The following DST variants were observed in gnomAD, a reference collection of about 807,000 sequenced individuals.
The protein encoded by DST is bullous pemphigoid antigen.
Under a neutral mutation model 875.2 loss-of-function variants are expected in DST, and 253 were observed. The ratio of observed to expected loss-of-function variants is 0.29; its 90% CI spans 0.26 to 0.32. The LOEUF (loss-of-function observed/expected upper bound fraction) is 0.32, where lower values mean the gene tolerates loss of function less well. Among genes scored for constraint, DST ranks in the 10% least tolerant of loss-of-function variants. The pLI is 1.00. For missense variants in DST, 8,287 were observed against 9,111.6 expected (o/e 0.91, Z 3.68); for synonymous variants, 3,124 against 3,197.1 (o/e 0.98, Z 0.77).
At chr6:56,917,829 G>A (rs1802014675) in intron 2 of DST, among the ~76,000 whole-genome samples, 1 of 152,100 alleles carries the variant, frequency 6.6e-6, no homozygotes, top group African/African-American at 2.4e-5. Flanking sequence ...CTCTCAATAT[G>A]CTTTGGGTTT....
chr6:56,797,818 CAAAAAAAAAA>C (rs34649685), intron 4 of DST, among the ~76,000 whole-genome samples: 1 of 60,824 alleles, frequency 1.6e-5, no homozygotes, highest in African/African-American at 5.9e-5. Context: ...AACTCCGTCT[CAAAAAAAAAA>C]AAAAAAAAAG....
At chr6:56,513,668 A>T (rs1346633232) in intron 72 of DST, among the ~76,000 whole-genome samples, 2 of 152,090 alleles carry the variant, frequency 1.3e-5, no homozygotes, top group Admixed American at 6.6e-5. Flanking sequence ...CTGGCCGAGG[A>T]GCCTTTTTTA....
chr6:56,549,400 C>T (rs1033527854), intron 61 of DST, among the ~76,000 whole-genome samples: 1 of 152,122 alleles, frequency 6.6e-6, no homozygotes, highest in Admixed American at 6.5e-5. Context: ...CAAATCATTC[C>T]ATTTAAAAAA....
intron 3 of DST, among the ~76,000 whole-genome samples, chr6:56,855,431 C>T (rs1031581443): frequency 1.3e-5 from 2 of 152,090 alleles, no homozygotes; most frequent in Non-Finnish European, 2.9e-5. Context: ...TAATTATTTA[C>T]CCAATTTTTG....
chr6:56,801,253 G>A (rs1478535361), intron 4 of DST, among the ~76,000 whole-genome samples: 2 of 151,908 alleles, frequency 1.3e-5, no homozygotes, highest in Non-Finnish European at 1.5e-5. Context: ...TTTAATTGTC[G>A]TATCTCCCCA....
At chr6:56,772,264 A>G (rs2099668048) in intron 4 of DST, among the ~76,000 whole-genome samples, 1 of 152,262 alleles carries the variant, frequency 6.6e-6, no homozygotes, top group South Asian at 2.1e-4. Flanking sequence ...TTTGCAATAT[A>G]ACATCTAAAT....
intron 4 of DST, among the ~76,000 whole-genome samples, chr6:56,809,556 C>T (rs1432853892): frequency 6.6e-6 from 1 of 152,154 alleles, no homozygotes; most frequent in Non-Finnish European, 1.5e-5. Flanking sequence ...TATACTATCT[C>T]TCATAGTTCT....
chr6:56,696,514 G>A (rs991866296), intron 9 of DST, among the ~76,000 whole-genome samples: 11 of 152,036 alleles, frequency 7.2e-5, no homozygotes, highest in African/African-American at 2.7e-4. Flanking sequence ...TCCTCCAAAG[G>A]CAGCTGAACC....
At chr6:56,870,994 T>C (rs982546175) in intron 3 of DST, among the ~76,000 whole-genome samples, 1 of 151,690 alleles carries the variant, frequency 6.6e-6, no homozygotes, top group Non-Finnish European at 1.5e-5. Context: ...ACAAAGAATA[T>C]GTATATATAA....
chr6:56,790,096 TCTC>T (rs2099715114), intron 4 of DST, among the ~76,000 whole-genome samples: 1 of 152,046 alleles, frequency 6.6e-6, no homozygotes. Flanking sequence ...AGGTCATACT[TCTC>T]CTTCTGTTAC....
intron 29 of DST, 109 bp downstream of exon 29, chr6:56,631,774 A>AGT (rs2098782849): frequency 4.1e-6 from 4 of 977,308 alleles, no homozygotes; most frequent in African/African-American, 1.6e-5. Flanking sequence ...ACCTCACACT[A>AGT]GACTGGCTAG....
intron 7 of DST, 29 bp from the exon 8 acceptor site, chr6:56,701,994 A>G: frequency 7.1e-7 from 1 of 1,413,662 alleles, no homozygotes; most frequent in Non-Finnish European, 1.0e-6. Context: ...AGGTATGAAA[A>G]AGAGTTTCTG....
intron 64 of DST, 115 bp from the exon 65 acceptor site, chr6:56,530,248 G>A: frequency 2.6e-6 from 2 of 759,118 alleles, no homozygotes; most frequent in South Asian, 4.4e-5. Flanking sequence ...AACTATCTAA[G>A]GTTACAATTT....
At chr6:56,564,748 C>T (rs1261870464) in intron 55 of DST, among the ~76,000 whole-genome samples, 2 of 152,262 alleles carry the variant, frequency 1.3e-5, no homozygotes, top group Admixed American at 6.5e-5. Context: ...TACATTCCAT[C>T]GATACCTAGT....
At chr6:56,642,215 T>G (rs953321782) in intron 16 of DST, 114 bp from the exon 17 acceptor site, 2 of 977,102 alleles carry the variant, frequency 2.0e-6, no homozygotes, top group African/African-American at 3.2e-5. Flanking sequence ...TTAGTTTTCC[T>G]TGTTGGTTCA....
chr6:56,901,981 A>G lies in DST; in HGVS notation c.217-1360T>C, dbSNP rs192359497. Reference sequence around the variant, plus strand: ...AAAGTGGTTAAAGTAGTAGACTCTCAGCGCTAGCAGATCTCAGAGAAGGAA... The same window carrying G: ...AAAGTGGTTAAAGTAGTAGACTCTCGGCGCTAGCAGATCTCAGAGAAGGAA... On this transcript the variant is annotated intron_variant, in intron 2 of 103. Coordinates refer to ENST00000680361, the MANE Select transcript of DST (RefSeq NM_001374736.1). Among the ~76,000 whole-genome samples the G allele has an allele frequency of 2.1e-3, 321 of 152,374 alleles. 9 individuals carry two copies. Among genetic ancestry groups the G allele is most frequent in the South Asian group, 2.7e-3 (13 of 4,828 alleles).
At chr6:56,517,164 G>A in intron 71 of DST, 34 bp downstream of exon 71, 2 of 1,480,870 alleles carry the variant, frequency 1.4e-6, no homozygotes, top group Non-Finnish European at 1.9e-6. Context: ...GTTTTTTCAA[G>A]AGTCCCACTA....
rs765717093 is a variant in DST, at chr6:56,482,170, T to G, written c.21411A>C (p.Glu7137Asp). Residue 7137 changes from glutamate to aspartate, a missense_variant, in exon 90 of 104, where the codon GAA (glutamate) becomes GAC (aspartate). By Grantham distance (45) the Glu-to-Asp change is conservative (BLOSUM62 2). Around this residue, in one of 10 missense-constraint regions of DST, gnomAD observed 1,292 missense variants for 1,552.7 expected, o/e 0.83. Coordinates refer to ENST00000680361, the MANE Select transcript of DST (RefSeq NM_001374736.1). The part of the protein sequence containing the change: ...RLEAALRQAE[E>D]FHSVVHALLE... Reference sequence around the variant, plus strand: ...AGAGGGCATGTACCACCGAGTGGAATTCCTCTGCCTAAGAGTTCACACACA... The same window carrying G: ...AGAGGGCATGTACCACCGAGTGGAAGTCCTCTGCCTAAGAGTTCACACACA... 2 of 1,588,924 alleles carry G rather than the reference T, an allele frequency of 1.3e-6. No homozygotes were observed. Among genetic ancestry groups the G allele is most frequent in the East Asian group, 2.2e-5 (1 of 44,854 alleles).
chr6:56,611,533 G>A lies in DST; in HGVS notation c.5122C>T (p.Leu1708Phe). 6.2e-7 allele frequency: 1 copy of A among 1,612,574 alleles called. No homozygotes were observed. Among genetic ancestry groups the A allele is most frequent in the Non-Finnish European group, 8.5e-7 (1 of 1,179,108 alleles). ...QLSEALQTIQ[L>F]FLAKHGDKMT... ...TTGTCTCCATGTTTTGCCAAAAAAAGCTGTATAGTTTGAAGTGCTTCCGAT... is the reference window on the plus strand; with the variant it reads ...TTGTCTCCATGTTTTGCCAAAAAAAACTGTATAGTTTGAAGTGCTTCCGAT... The change falls in exon 38 of 104, where the codon CTT becomes TTT. Residue 1708 changes from leucine to phenylalanine, a missense_variant. By Grantham distance (22) the Leu-to-Phe change is conservative. Around this residue, in one of 10 missense-constraint regions of DST, gnomAD observed 3,138 missense variants for 3,116.6 expected, o/e 1.01. Coordinates refer to ENST00000680361, the MANE Select transcript of DST (RefSeq NM_001374736.1).
Sources: gnomAD v4.1 joint callset for allele counts (sites outside exome capture counted in the v4.1 genomes callset) on GRCh38, gnomAD v4.1.1 for gene constraint, gnomAD v4.1.1 regional missense constraint, MANE v1.5 for transcripts, NCBI Gene and HGNC (gene_info 2026-07-23, HGNC 2026-07-21) for gene names.